The following ST3GAL3 variants were observed in gnomAD, a reference collection of about 807,000 sequenced individuals.
ST3GAL3 encodes the protein ST3 beta-galactoside alpha-2,3-sialyltransferase 3.
ST3GAL3 carries 21 observed loss-of-function variants against 50.1 expected under a neutral mutation model. That is an observed-to-expected ratio of 0.42 (90% CI 0.30 to 0.60). ST3GAL3 has a LOEUF of 0.60. Among genes scored for constraint, ST3GAL3 ranks in the 20% least tolerant of loss-of-function variants. The probability of loss-of-function intolerance (pLI) is 0.19; values close to 1 mark genes in which losing one functional copy is unlikely to be tolerated. For synonymous variants in ST3GAL3, 183 were observed against 190.0 expected, an observed-to-expected ratio of 0.96 and a Z score of 0.30; for missense variants, 353 against 489.4, an observed-to-expected ratio of 0.72 and a Z score of 2.63.
At chr1:43,708,805 C>G (rs1466035687) in intron 1 of ST3GAL3, among the ~76,000 whole-genome samples, 2 of 152,136 alleles carry the variant, frequency 1.3e-5, no homozygotes. Context: ...AACGATGAAA[C>G]AAGACATTCA....
chr1:43,837,640 C>T (rs576681976), intron 4 of ST3GAL3, among the ~76,000 whole-genome samples: 35 of 152,216 alleles, frequency 2.3e-4, no homozygotes, highest in Non-Finnish European at 3.1e-4. Context: ...CTTGATAGAG[C>T]TCCTCGTTTC....
At chr1:43,876,318 T>C (rs566149555) in intron 5 of ST3GAL3, among the ~76,000 whole-genome samples, 1 of 152,190 alleles carries the variant, frequency 6.6e-6, no homozygotes, top group East Asian at 1.9e-4. Context: ...CAGGGAGATA[T>C]CTGTCAAGGA....
intron 5 of ST3GAL3, among the ~76,000 whole-genome samples, chr1:43,869,556 T>G (rs2072139403): frequency 6.6e-6 from 1 of 152,200 alleles, no homozygotes; most frequent in Admixed American, 6.5e-5. Flanking sequence ...TTGATGCTCC[T>G]CATAATGCCT....
At chr1:43,796,673 C>T (rs990593921) in intron 3 of ST3GAL3, among the ~76,000 whole-genome samples, 1 of 152,138 alleles carries the variant, frequency 6.6e-6, no homozygotes, top group Non-Finnish European at 1.5e-5. Context: ...GATGTAGAGT[C>T]TCATAATAAG....
At position 43,920,437 on chromosome 1, in the gene ST3GAL3, A is replaced by G; in HGVS notation, c.778A>G (p.Thr260Ala). The G allele has an allele frequency of 6.2e-7, 1 of 1,613,556 alleles. No homozygotes were observed. The highest frequency in any genetic ancestry group is 8.5e-7 in the Non-Finnish European group (1 of 1,179,910). Residue 260 changes from threonine (T) to alanine (A), a missense_variant, in exon 10 of 12, where the codon ACT (threonine) becomes GCT (alanine). Transcript: ENST00000347631. ...GGATGGCTTCTGGAAATCTGTGGCC[A>G]CTCGAGTGCCCAAGGAGCCCCCTGA... ...ASDGFWKSVA[T>A]RVPKEPPEIR...
chr1:43,825,208 C>T (rs927996038), intron 4 of ST3GAL3, among the ~76,000 whole-genome samples: 2 of 152,196 alleles, frequency 1.3e-5, no homozygotes, highest in African/African-American at 2.4e-5. Flanking sequence ...ATAACAACTA[C>T]TGCAGAATAT....
At chr1:43,903,284 G>A (rs1369204168) in intron 9 of ST3GAL3, among the ~76,000 whole-genome samples, 2 of 152,164 alleles carry the variant, frequency 1.3e-5, no homozygotes, top group South Asian at 2.1e-4. Context: ...TCCAGAGGAC[G>A]GAGCCCTGGG....
intron 5 of ST3GAL3, among the ~76,000 whole-genome samples, chr1:43,874,023 A>G (rs556818237): frequency 2.0e-5 from 3 of 152,262 alleles, no homozygotes; most frequent in African/African-American, 7.2e-5. Context: ...TGCCCATTGC[A>G]ACATTAGGAA....
rs1226893196 is a variant in ST3GAL3 at position 43,920,824 on chromosome 1, C to T, written c.934C>T (p.His312Tyr). Residue 312 changes from histidine to tyrosine, a missense_variant, in exon 11 of 12, where the codon CAC becomes TAC. By Grantham distance (83) the His-to-Tyr change is moderately conservative. Transcript: ENST00000347631. ...LGSVAVTMAL[H>Y]GCDEVAVAGF... ...CAGTGTGGCAGTGACCATGGCACTA[C>T]ACGGCTGTGACGAGGTGGCAGTCGC... is the stretch of plus-strand genomic sequence containing the variant. The T allele has an allele frequency of 1.2e-6, 2 of 1,614,156 alleles. No individual in the cohort carries two copies. The highest frequency in any genetic ancestry group is 1.1e-5 in the South Asian group (1 of 91,088).
At chr1:43,727,370 G>T (rs1305034230) in intron 1 of ST3GAL3, 1 of 151,868 alleles carries the variant, frequency 6.6e-6, no homozygotes, top group East Asian at 1.9e-4. Context: ...CACAATTTCA[G>T]CCCTGGAAGG....
chr1:43,714,172 G>A (rs1051346263), intron 1 of ST3GAL3, among the ~76,000 whole-genome samples: 5 of 151,650 alleles, frequency 3.3e-5, no homozygotes, highest in South Asian at 2.1e-4. Flanking sequence ...GCTGAGGCAG[G>A]AGAGTCACTT....
chr1:43,927,025 T>C (rs1034394387), intron 11 of ST3GAL3, among the ~76,000 whole-genome samples: 4 of 152,090 alleles, frequency 2.6e-5, no homozygotes, highest in Non-Finnish European at 5.9e-5. Context: ...CATATATCCC[T>C]CCAACCATAA....
intron 1 of ST3GAL3, among the ~76,000 whole-genome samples, chr1:43,723,337 G>C (rs1421727906): frequency 1.3e-5 from 2 of 152,056 alleles, no homozygotes; most frequent in African/African-American, 2.4e-5. Context: ...TCAAACTCCT[G>C]ACCTCAGGTG....
chr1:43,914,981 G>A (rs951111252), intron 9 of ST3GAL3, among the ~76,000 whole-genome samples: 2 of 152,148 alleles, frequency 1.3e-5, no homozygotes, highest in Non-Finnish European at 2.9e-5. Flanking sequence ...CCTCCCTTAC[G>A]CACACCCCAC....
chr1:43,904,163 G>A (rs1234310840), intron 9 of ST3GAL3, among the ~76,000 whole-genome samples: 1 of 152,120 alleles, frequency 6.6e-6, no homozygotes, highest in Non-Finnish European at 1.5e-5. Context: ...GAGACAAGGA[G>A]CCTCCTGGTG....
chr1:43,709,340 G>C (rs1425401805), intron 1 of ST3GAL3: 2 of 152,200 alleles, frequency 1.3e-5, no homozygotes, highest in Non-Finnish European at 2.9e-5. Context: ...GGAAGCTGTA[G>C]CTAACTATCA....
At chr1:43,823,333 G>T (rs2062351521) in intron 4 of ST3GAL3, among the ~76,000 whole-genome samples, 1 of 152,042 alleles carries the variant, frequency 6.6e-6, no homozygotes, top group African/African-American at 2.4e-5. Context: ...GTTTCTTGTT[G>T]CTCTCCTTCT....
intron 3 of ST3GAL3, among the ~76,000 whole-genome samples, chr1:43,813,807 T>C (rs1358079398): frequency 6.6e-6 from 1 of 151,730 alleles, no homozygotes. Context: ...TATCCTCAGA[T>C]TGAGCCAGGC....
intron 5 of ST3GAL3, among the ~76,000 whole-genome samples, chr1:43,866,841 G>A (rs898691125): frequency 6.6e-6 from 1 of 152,112 alleles, no homozygotes; most frequent in African/African-American, 2.4e-5. Context: ...TTAAAGATAT[G>A]GGAAATTAGG....
Sources: allele counts gnomAD v4.1 joint callset (sites outside exome capture counted in the v4.1 genomes callset), GRCh38; gene constraint gnomAD v4.1.1; transcripts MANE v1.5; gene names NCBI Gene and HGNC (gene_info 2026-07-23, HGNC 2026-07-21).